The following VPS13A variants were observed in gnomAD, a reference collection of about 807,000 sequenced individuals.
VPS13A encodes vacuolar protein sorting 13 homolog A, also known as intermembrane lipid transfer protein VPS13A.
A neutral mutation model predicts 390.9 loss-of-function variants in VPS13A; 264 were observed. The ratio of observed to expected loss-of-function variants is 0.68; its 90% CI spans 0.61 to 0.75. VPS13A has a LOEUF of 0.75. Among genes scored for constraint, VPS13A ranks in the 30% least tolerant of loss-of-function variants. The probability of loss-of-function intolerance (pLI) is 0.00; values close to 1 mark genes in which losing one functional copy is unlikely to be tolerated. For synonymous variants in VPS13A, 1,231 were observed against 1,227.1 expected (o/e 1.00, Z -0.07); for missense variants, 3,409 against 3,733.9 (o/e 0.91, Z 2.27).
At chr9:77,309,726 A>T (rs146182187) in intron 35 of VPS13A, among the ~76,000 whole-genome samples, 99 of 152,284 alleles carry the variant, frequency 6.5e-4, no homozygotes, top group African/African-American at 2.2e-3. Context: ...GAGCTGCTGT[A>T]AACTGTCCAG....
chr9:77,247,439 G>T, intron 20 of VPS13A, 44 bp downstream of exon 20: 1 of 1,525,238 alleles, frequency 6.6e-7, no homozygotes. Flanking sequence ...CATTTGGGGT[G>T]TTTCTTTGTT....
intron 69 of VPS13A, 98 bp from the exon 70 acceptor site, chr9:77,405,766 T>C: frequency 6.9e-7 from 1 of 1,453,874 alleles, no homozygotes; most frequent in Admixed American, 1.8e-5. Flanking sequence ...TGTTGATGAA[T>C]ATTGCATTTG....
intron 60 of VPS13A, among the ~76,000 whole-genome samples, chr9:77,366,524 A>C (rs1484378141): frequency 6.6e-6 from 1 of 152,070 alleles, no homozygotes; most frequent in African/African-American, 2.4e-5. Context: ...ATGCTATCTT[A>C]AATTGTTGAA....
chr9:77,370,909 C>G lies in VPS13A; in HGVS notation c.8927C>G (p.Thr2976Arg). 6.2e-7 allele frequency: 1 copy of G among 1,613,502 alleles called. No individual in the cohort carries two copies. Among genetic ancestry groups the G allele is most frequent in the East Asian group, 2.2e-5 (1 of 44,868 alleles). Residue 2976 changes from threonine to arginine, a missense_variant, in exon 66 of 72, where the codon ACA becomes AGA. Thr to Arg is a moderately conservative substitution (Grantham distance 71). Transcript: ENST00000360280. ...GLVSGFVSGI[T>R]GIVTKPIKGA... ...TTCTAGGGATTTGTTAGTGGCATAA[C>G]AGGAATTGTTACAAAACCAATCAAA...
At chr9:77,392,815 T>TAA (rs34466446) in intron 68 of VPS13A, among the ~76,000 whole-genome samples, 16,084 of 140,286 alleles carry the variant, frequency 0.11, 1,183 homozygotes, top group African/African-American at 0.19. Flanking sequence ...ACATAATTGC[T>TAA]AAAAAAAAAA....
chr9:77,203,454 ATTTTTG>A, intron 3 of VPS13A, among the ~76,000 whole-genome samples: 1 of 151,922 alleles, frequency 6.6e-6, no homozygotes, highest in South Asian at 2.1e-4. Flanking sequence ...TGCCTGGCTA[ATTTTTG>A]TAGTTTTTGT....
chr9:77,342,101 A>G (rs1830859990), intron 50 of VPS13A, among the ~76,000 whole-genome samples: 1 of 152,122 alleles, frequency 6.6e-6, no homozygotes, highest in Admixed American at 6.5e-5. Context: ...ACATTTGAAC[A>G]GTGCCTTCGA....
chr9:77,380,463 C>T (rs757194782), intron 67 of VPS13A, among the ~76,000 whole-genome samples: 23 of 152,004 alleles, frequency 1.5e-4, no homozygotes, highest in Non-Finnish European at 3.2e-4. Flanking sequence ...ATGCACATGC[C>T]ACCACGCCCG....
At chr9:77,314,251 T>C in intron 36 of VPS13A, 132 bp downstream of exon 36, 2 of 1,023,272 alleles carry the variant, frequency 2.0e-6, no homozygotes, top group Non-Finnish European at 2.8e-6. Context: ...ATGATCTTTT[T>C]ACTTTAATAA....
chr9:77,411,312 A>G (rs1280664346), intron 71 of VPS13A, among the ~76,000 whole-genome samples: 1 of 152,148 alleles, frequency 6.6e-6, no homozygotes, highest in Non-Finnish European at 1.5e-5. Context: ...AATTTATAGC[A>G]CTAAATGTCC....
chr9:77,323,053 C>G lies in VPS13A; in HGVS notation c.5831-14C>G, dbSNP rs1454874837. On this transcript the variant is annotated splice_polypyrimidine_tract_variant and intron_variant, in intron 44 of 71. Transcript: ENST00000360280. ...ATTATAATAAAAACTTTTAAACATA[C>G]TTACTTAATTTAGCACCTGTTAACC... 2 of 1,595,804 alleles carry G rather than the reference C, an allele frequency of 1.3e-6. No individual in the cohort carries two copies. The highest frequency in any genetic ancestry group is 8.6e-7 in the Non-Finnish European group (1 of 1,166,848).
rs193195703 is a variant in VPS13A, at chr9:77,212,458, C to A, written c.556-511C>A. On this transcript the variant is annotated intron_variant, in intron 7 of 71. Transcript: ENST00000360280. ...TATAACATCTCTTTATCCATCACACCCCTGAATTGGATGCTCCTGCCATGC... is the reference window on the plus strand; with the variant it reads ...TATAACATCTCTTTATCCATCACACACCTGAATTGGATGCTCCTGCCATGC... Among the ~76,000 whole-genome samples, 22 of 151,928 alleles carry A rather than the reference C, an allele frequency of 1.4e-4. No individual in the cohort carries two copies. The East Asian group carries it at 3.1e-3, about 21-fold the overall frequency.
Position 77,339,641 on chromosome 9 carries a change from A to G in VPS13A, c.6504A>G (p.Glu2168=). 6.2e-7 allele frequency: 1 copy of G among 1,613,988 alleles called. No individual in the cohort carries two copies. Among genetic ancestry groups the G allele is most frequent in the Non-Finnish European group, 8.5e-7 (1 of 1,179,948 alleles). ...ATCTCAATCACGATTGGAAAAGTGAATATCACATAAAGCCTAATCAGCAAG... is the reference window on the plus strand; with the variant it reads ...ATCTCAATCACGATTGGAAAAGTGAGTATCACATAAAGCCTAATCAGCAAG... The part of the protein sequence containing the change: ...LDYLNHDWKS[E]YHIKPNQQDI... Residue 2168 remains glutamate (E), a synonymous_variant, in exon 48 of 72, where the codon GAA becomes GAG. Transcript: ENST00000360280.
chr9:77,342,925 C>T (rs914338830), intron 50 of VPS13A, among the ~76,000 whole-genome samples: 11 of 152,122 alleles, frequency 7.2e-5, no homozygotes, highest in Admixed American at 4.6e-4. Flanking sequence ...ACAAAGTGTC[C>T]GGCAGTTTTA....
chr9:77,382,070 G>A lies in VPS13A; in HGVS notation c.9172G>A (p.Gly3058Arg). Reference protein sequence around the residue: ...IRPYRLRDGTGNQMLQVMENG... With the variant: ...IRPYRLRDGTRNQMLQVMENG... The stretch of plus-strand genomic sequence containing the variant: ...ACCGTACAGGTTGAGGGATGGGACT[G>A]GAAATCAAATGTTACAGGTAAATTA... Residue 3058 changes from glycine (G) to arginine (R), a missense_variant, in exon 68 of 72, where the codon GGA (glycine) becomes AGA (arginine). By Grantham distance (125) the Gly-to-Arg change is moderately radical. Coordinates refer to ENST00000360280, the MANE Select transcript of VPS13A (RefSeq NM_033305.3). 1 of 1,606,410 alleles carries A rather than the reference G, an allele frequency of 6.2e-7. No individual in the cohort carries two copies. Among genetic ancestry groups the A allele is most frequent in the Non-Finnish European group, 8.5e-7 (1 of 1,176,056 alleles).
At chr9:77,186,089 G>C (rs1824315427) in intron 1 of VPS13A, among the ~76,000 whole-genome samples, 1 of 152,168 alleles carries the variant, frequency 6.6e-6, no homozygotes, top group Non-Finnish European at 1.5e-5. Context: ...CTTCACTCTA[G>C]CCTGGGCGAC....
intron 6 of VPS13A, among the ~76,000 whole-genome samples, chr9:77,209,848 C>G (rs111893537): frequency 2.1e-4 from 32 of 152,292 alleles, no homozygotes; most frequent in African/African-American, 7.5e-4. Flanking sequence ...GAGTACTGGT[C>G]TAGCAATTAG....
At chr9:77,218,431 G>T (rs1033420385) in intron 10 of VPS13A, among the ~76,000 whole-genome samples, 1 of 152,106 alleles carries the variant, frequency 6.6e-6, no homozygotes, top group African/African-American at 2.4e-5. Context: ...ACTTTTTAAT[G>T]GAGTTGAGTT....
At chr9:77,301,241 G>T (rs1236635084) in intron 33 of VPS13A, among the ~76,000 whole-genome samples, 1 of 151,948 alleles carries the variant, frequency 6.6e-6, no homozygotes, top group African/African-American at 2.4e-5. Context: ...GTGAAGAATT[G>T]GAAAATATGA....
Sources: allele counts gnomAD v4.1 joint callset (sites outside exome capture counted in the v4.1 genomes callset), GRCh38; gene constraint gnomAD v4.1.1; transcripts MANE v1.5; gene names NCBI Gene and HGNC (gene_info 2026-07-23, HGNC 2026-07-21).